Variants in RBM44 observed in about 807,000 individuals in gnomAD.
The protein encoded by RBM44 is RNA binding motif protein 44.
A neutral mutation model predicts 105.1 loss-of-function variants in RBM44; 66 were observed. That is an observed-to-expected ratio of 0.63 (90% CI 0.52 to 0.77). RBM44 has a LOEUF of 0.77. Among genes scored for constraint, RBM44 ranks in the 30% least tolerant of loss-of-function variants. The probability of loss-of-function intolerance (pLI) is 0.00; values close to 1 mark genes in which losing one functional copy is unlikely to be tolerated. For synonymous variants in RBM44, 365 were observed against 417.6 expected (o/e 0.87, Z 1.54); for missense variants, 1,122 against 1,207.8 (o/e 0.93, Z 1.05).
rs776693620 is a variant in RBM44 at position 237,817,694 on chromosome 2, C to T, written c.775C>T (p.Leu259Phe). The T allele has an allele frequency of 1.2e-6, 2 of 1,612,582 alleles. No homozygotes were observed. The highest frequency in any genetic ancestry group is 1.7e-6 in the Non-Finnish European group (2 of 1,179,214). ...TGATGTTTATGGACAAGAAGAGTCA[C>T]TTCATGTCTCCAAATTTCAGAATTC... ...SLDVYGQEESLHVSKFQNSVM... is the reference protein window; with the variant it reads ...SLDVYGQEESFHVSKFQNSVM... Residue 259 changes from leucine to phenylalanine, a missense_variant, in exon 3 of 16, where the codon CTT becomes TTT. Physicochemically the swap from Leu to Phe is conservative, Grantham distance 22. Coordinates refer to ENST00000316997, the MANE Select transcript of RBM44 (RefSeq NM_001080504.3).
chr2:237,840,765 A>G (rs1436452665), intron 15 of RBM44, among the ~76,000 whole-genome samples: 3 of 152,232 alleles, frequency 2.0e-5, no homozygotes, highest in Non-Finnish European at 4.4e-5. Flanking sequence ...AAGGACATGA[A>G]CAGACATTTG....
chr2:237,813,554 T>TATACTTAAA (rs2061681016), intron 1 of RBM44, 38 bp from the exon 2 acceptor site: 3 of 1,090,634 alleles, frequency 2.8e-6, no homozygotes, highest in Admixed American at 4.0e-5. Context: ...TTATGCTTTT[T>TATACTTAAA]AAGTATAATA....
chr2:237,806,098 A>G (rs2150968238), intron 1 of RBM44, among the ~76,000 whole-genome samples: 1 of 152,292 alleles, frequency 6.6e-6, no homozygotes, highest in South Asian at 2.1e-4. Context: ...TCTTGTATTC[A>G]TTTTGGAAGG....
At chr2:237,838,336 AAAAAAC>A (rs1161931061) in intron 15 of RBM44, among the ~76,000 whole-genome samples, 20 of 152,212 alleles carry the variant, frequency 1.3e-4, no homozygotes, top group Non-Finnish European at 2.1e-4. Context: ...CTTGCAAATA[AAAAAAC>A]TAAGATAATT....
intron 15 of RBM44, among the ~76,000 whole-genome samples, chr2:237,835,067 A>G (rs1391452025): frequency 1.3e-5 from 2 of 152,214 alleles, no homozygotes; most frequent in Non-Finnish European, 2.9e-5. Flanking sequence ...TTGGTAATTC[A>G]TACAACATTT....
rs1559903945 is a variant in RBM44, at chr2:237,803,159, A to G, written c.-19+4298A>G. On this transcript the variant is annotated intron_variant, in intron 1 of 15. Coordinates refer to ENST00000316997, the MANE Select transcript of RBM44 (RefSeq NM_001080504.3). This position sits in a 1 kb window ranked among gnomAD's most constrained non-coding sequence, Gnocchi z 4.2. ...GTGTGCACCTGTAGTGCCAGCTACA[A>G]AGGAGGCTGAGGCAGGAGAATCACT... Among the ~76,000 whole-genome samples the G allele has an allele frequency of 6.6e-6, 1 of 152,132 alleles. No homozygotes were observed. Among genetic ancestry groups the G allele is most frequent in the Non-Finnish European group, 1.5e-5 (1 of 68,000 alleles).
chr2:237,799,011 A>C (rs1410411789), intron 1 of RBM44, 150 bp downstream of exon 1: 1 of 152,128 alleles, frequency 6.6e-6, no homozygotes, highest in Non-Finnish European at 1.5e-5. Context: ...GGGACTCCGA[A>C]CGGCGGTGTA....
At chr2:237,837,793 G>A (rs1017894891) in intron 15 of RBM44, among the ~76,000 whole-genome samples, 14 of 151,414 alleles carry the variant, frequency 9.2e-5, no homozygotes, top group Non-Finnish European at 1.6e-4. Context: ...ACAGGTGTGA[G>A]CCACTGTGCC....
chr2:237,832,668 C>G (rs765674616), intron 13 of RBM44, among the ~76,000 whole-genome samples: 16 of 152,228 alleles, frequency 1.1e-4, no homozygotes, highest in Non-Finnish European at 1.6e-4. Context: ...ACTCCAAGTT[C>G]TCTTTCCTTT....
chr2:237,813,094 C>T (rs1231765535), intron 1 of RBM44, among the ~76,000 whole-genome samples: 2 of 152,116 alleles, frequency 1.3e-5, no homozygotes, highest in African/African-American at 4.8e-5. Flanking sequence ...TTTTATCCCC[C>T]ATGCCCATTT....
chr2:237,818,047 T>C lies in RBM44; in HGVS notation c.1128T>C (p.Asp376=), dbSNP rs1304826298. ...ALETLLQPCK[D]CQTSWTSVFD... is the part of the protein sequence containing the mutation. The stretch of plus-strand genomic sequence containing the variant: ...AGACATTACTCCAACCCTGTAAAGA[T>C]TGTCAAACTTCCTGGACCTCTGTTT... Residue 376 remains aspartate, a synonymous_variant, in exon 3 of 16, where the codon GAT becomes GAC. Coordinates refer to ENST00000316997, the MANE Select transcript of RBM44 (RefSeq NM_001080504.3). This position sits in a 1 kb window ranked among gnomAD's most constrained non-coding sequence, Gnocchi z 4.6. The C allele has an allele frequency of 2.5e-6, 4 of 1,612,826 alleles. No homozygotes were observed. The highest frequency in any genetic ancestry group is 1.7e-5 in the Admixed American group (1 of 59,802).
rs961525797 is a variant in RBM44 at position 237,842,375 on chromosome 2, C to T, written c.*559C>T. ...TCAGGCTTCCAAGATAATTAAATTA[C>T]TGTCATGATACATTTCATGCATTTT... On this transcript the variant is annotated 3_prime_UTR_variant, in exon 16 of 16. Transcript: ENST00000316997. 5 of 152,086 alleles carry T rather than the reference C, an allele frequency of 3.3e-5. No individual in the cohort carries two copies. Among genetic ancestry groups the T allele is most frequent in the African/African-American group, 9.7e-5 (4 of 41,432 alleles). 9.4% of individuals were successfully genotyped at this position (152,086 alleles called of 1,614,324 possible).
chr2:237,803,457 A>G lies in RBM44; in HGVS notation c.-19+4596A>G, dbSNP rs1380909048. On this transcript the variant is annotated intron_variant, in intron 1 of 15. Coordinates refer to ENST00000316997, the MANE Select transcript of RBM44 (RefSeq NM_001080504.3). This position sits in a 1 kb window ranked among gnomAD's most constrained non-coding sequence, Gnocchi z 4.2. ...ATTTCCCTGATGACTAATGATGTTG[A>G]GCATGTTTTCATACCTATAAGCAAT... Among the ~76,000 whole-genome samples, 2 of 152,300 alleles carry G rather than the reference A, an allele frequency of 1.3e-5. No homozygotes were observed. The highest frequency in any genetic ancestry group is 1.9e-4 in the East Asian group (1 of 5,188).
Position 237,817,550 on chromosome 2 carries a change from A to G in RBM44, c.631A>G (p.Ile211Val). 2 of 1,612,002 alleles carry G rather than the reference A, an allele frequency of 1.2e-6. No homozygotes were observed. The highest frequency in any genetic ancestry group is 1.3e-5 in the African/African-American group (1 of 75,000). ...TTTTGACCAAACAAAAGCATTAGAT[A>G]TATCTAATCCAGAAGTTGTTGAATT... ...LSFDQTKALDISNPEVVELGN... is the reference protein window; with the variant it reads ...LSFDQTKALDVSNPEVVELGN... Residue 211 changes from isoleucine to valine, a missense_variant, in exon 3 of 16, where the codon ATA becomes GTA. Transcript: ENST00000316997.
chr2:237,801,129 G>C (rs746658162), intron 1 of RBM44, among the ~76,000 whole-genome samples: 1 of 152,110 alleles, frequency 6.6e-6, no homozygotes, highest in Non-Finnish European at 1.5e-5. Context: ...TGGGCTAGGG[G>C]ACCATCCTGG....
At chr2:237,816,090 G>A (rs754713297) in intron 2 of RBM44, among the ~76,000 whole-genome samples, 7 of 152,134 alleles carry the variant, frequency 4.6e-5, no homozygotes, top group Non-Finnish European at 8.8e-5. Flanking sequence ...AAAATGCCAT[G>A]TTCTTTCACA....
chr2:237,811,215 A>T (rs991079313), intron 1 of RBM44, among the ~76,000 whole-genome samples: 2 of 152,150 alleles, frequency 1.3e-5, no homozygotes, highest in Admixed American at 1.3e-4. Context: ...CACAAAAATC[A>T]GTATTCCCTT....
chr2:237,810,049 T>G (rs2061641029), intron 1 of RBM44, among the ~76,000 whole-genome samples: 2 of 152,246 alleles, frequency 1.3e-5, no homozygotes, highest in Non-Finnish European at 2.9e-5. Flanking sequence ...AGAGGTGAAA[T>G]TATTTTTAAT....
At chr2:237,819,761 A>C (rs965178188) in intron 4 of RBM44, among the ~76,000 whole-genome samples, 3 of 151,996 alleles carry the variant, frequency 2.0e-5, no homozygotes, top group African/African-American at 7.2e-5. Context: ...AATATGTTTT[A>C]AGAATAATTT....
Sources: allele counts gnomAD v4.1 joint callset (sites outside exome capture counted in the v4.1 genomes callset), GRCh38; gene constraint gnomAD v4.1.1; non-coding constraint Gnocchi (gnomAD v3.1); transcripts MANE v1.5; gene names NCBI Gene and HGNC (gene_info 2026-07-23, HGNC 2026-07-21).